Variants in SYT2 observed in about 807,000 individuals in gnomAD.
The protein encoded by SYT2 is synaptotagmin 2.
Under a neutral mutation model 39.9 loss-of-function variants are expected in SYT2, and 15 were observed. That is an observed-to-expected ratio of 0.38 (90% CI 0.25 to 0.58). The LOEUF (loss-of-function observed/expected upper bound fraction) is 0.58. Among genes scored for constraint, SYT2 ranks in the 20% least tolerant of loss-of-function variants. The probability of loss-of-function intolerance (pLI) is 0.70; values close to 1 mark genes in which losing one functional copy is unlikely to be tolerated. For missense variants in SYT2, 389 were observed against 530.3 expected, an observed-to-expected ratio of 0.73 and a Z score of 2.62; for synonymous variants, 181 against 204.5, an observed-to-expected ratio of 0.89 and a Z score of 0.98.
At chr1:202,620,928 G>T (rs1691188119) in intron 1 of SYT2, among the ~76,000 whole-genome samples, 1 of 152,176 alleles carries the variant, frequency 6.6e-6, no homozygotes, top group Non-Finnish European at 1.5e-5. Flanking sequence ...GCTTTGCTCT[G>T]TGTGGGTGAA....
intron 1 of SYT2, among the ~76,000 whole-genome samples, chr1:202,622,967 C>A (rs189718254): frequency 6.6e-6 from 1 of 152,302 alleles, no homozygotes; most frequent in East Asian, 1.9e-4. Flanking sequence ...CAAACAACAC[C>A]GCTAAATGGT....
At chr1:202,607,979 G>A (rs1174654534) in intron 1 of SYT2, among the ~76,000 whole-genome samples, 1 of 152,074 alleles carries the variant, frequency 6.6e-6, no homozygotes, top group Admixed American at 6.5e-5. Flanking sequence ...ACAGAATAGT[G>A]GAACAATTAG....
intron 3 of SYT2, 22 bp from the exon 4 acceptor site, chr1:202,603,140 G>A: frequency 6.2e-7 from 1 of 1,613,788 alleles, no homozygotes; most frequent in Non-Finnish European, 8.5e-7. Flanking sequence ...GGGGGAGAGA[G>A]GGAACAAGTT....
At chr1:202,683,965 G>A (rs1238960785) in intron 1 of SYT2, among the ~76,000 whole-genome samples, 1 of 151,536 alleles carries the variant, frequency 6.6e-6, no homozygotes, top group East Asian at 1.9e-4. Flanking sequence ...TCAACACTTA[G>A]GATTTGTTCA....
At chr1:202,668,496 A>G (rs1692522182) in intron 1 of SYT2, among the ~76,000 whole-genome samples, 1 of 152,232 alleles carries the variant, frequency 6.6e-6, no homozygotes, top group Admixed American at 6.5e-5. Flanking sequence ...TATAAGATCC[A>G]CAGGGTTTAA....
At chr1:202,689,304 C>G (rs868108958) in intron 1 of SYT2, among the ~76,000 whole-genome samples, 1 of 152,192 alleles carries the variant, frequency 6.6e-6, no homozygotes, top group Non-Finnish European at 1.5e-5. Context: ...CGTGTGCACA[C>G]GTGTGCATAC....
At chr1:202,616,467 C>G (rs1691036644) in intron 1 of SYT2, among the ~76,000 whole-genome samples, 1 of 152,106 alleles carries the variant, frequency 6.6e-6, no homozygotes, top group Non-Finnish European at 1.5e-5. Flanking sequence ...CCTTCGTGAC[C>G]ACGCACACAC....
Position 202,601,805 on chromosome 1 carries a change from C to T in SYT2, c.801+85G>A. On this transcript the variant is annotated intron_variant, in intron 6 of 8. Transcript: ENST00000367268. This position sits in a 1 kb window ranked among gnomAD's most constrained non-coding sequence, Gnocchi z 4.0. The stretch of plus-strand genomic sequence containing the variant: ...AACACAGGTCGTCTGCCTCCAAAGC[C>T]CACCCTGTTTCCATCATGCCAAGAG... 10 of 1,458,940 alleles carry T rather than the reference C, an allele frequency of 6.9e-6. No individual in the cohort carries two copies. The highest frequency in any genetic ancestry group is 9.4e-6 in the Non-Finnish European group (10 of 1,066,702). The allele number at this position is 1,458,940 out of a possible 1,614,324, so 90.4% of individuals were successfully genotyped here.
At chr1:202,609,665 T>C (rs1222086540) in intron 1 of SYT2, among the ~76,000 whole-genome samples, 1 of 152,264 alleles carries the variant, frequency 6.6e-6, no homozygotes, top group Admixed American at 6.5e-5. Flanking sequence ...TTTTCATGTG[T>C]CTTTTGGCTG....
intron 1 of SYT2, among the ~76,000 whole-genome samples, chr1:202,651,856 C>T (rs1453841315): frequency 1.3e-5 from 2 of 152,106 alleles, no homozygotes; most frequent in Non-Finnish European, 2.9e-5. Context: ...GTCAAGAGAT[C>T]GAGACCATCC....
chr1:202,669,592 C>CA (rs573028451), intron 1 of SYT2, among the ~76,000 whole-genome samples: 1,831 of 142,502 alleles, frequency 0.013, 27 homozygotes, highest in African/African-American at 0.042. Flanking sequence ...GACTGCATCT[C>CA]AAAAAAAAAA....
At chr1:202,602,335 G>A (rs1690535302) in intron 5 of SYT2, 43 bp downstream of exon 5, 1 of 1,581,570 alleles carries the variant, frequency 6.3e-7, no homozygotes, top group South Asian at 1.1e-5. Flanking sequence ...CAGAGAATTG[G>A]GATCAGGCAG....
chr1:202,602,143 C>T, intron 5 of SYT2, 86 bp from the exon 6 acceptor site: 6 of 1,523,604 alleles, frequency 3.9e-6, no homozygotes, highest in Non-Finnish European at 4.5e-6. Flanking sequence ...CATTCCAGCC[C>T]ACAGGGTCCA....
In SYT2 at chr1:202,600,026, G is replaced by A. The variant is rs907698; in HGVS notation, c.919+331C>T. On this transcript the variant is annotated intron_variant, in intron 7 of 8. Coordinates refer to ENST00000367268, the MANE Select transcript of SYT2 (RefSeq NM_177402.5). The stretch of plus-strand genomic sequence containing the variant: ...TCTTCTGGAAACATGTCTCGATTGT[G>A]GTGTCATGCTTTGGGCTAAGCCCTG... Among the ~76,000 whole-genome samples the A allele has an allele frequency of 0.6, 91,719 of 152,106 alleles. 27,866 individuals carry two copies. The highest frequency in any genetic ancestry group is 0.7 in the Admixed American group (10,738 of 15,292).
intron 1 of SYT2, among the ~76,000 whole-genome samples, chr1:202,671,183 C>A (rs1692582634): frequency 6.6e-6 from 1 of 152,192 alleles, no homozygotes; most frequent in Admixed American, 6.5e-5. Flanking sequence ...TCAGCCTTCC[C>A]CACCTTTGAG....
chr1:202,637,634 C>G (rs1359701867), intron 1 of SYT2, among the ~76,000 whole-genome samples: 1 of 151,608 alleles, frequency 6.6e-6, no homozygotes, highest in African/African-American at 2.4e-5. Context: ...CTGTGAGCAG[C>G]AGCTTTGAGA....
chr1:202,704,279 G>C (rs894981322), intron 1 of SYT2, among the ~76,000 whole-genome samples: 1 of 152,200 alleles, frequency 6.6e-6, no homozygotes, highest in Non-Finnish European at 1.5e-5. Flanking sequence ...GGGCTAGGGG[G>C]ACCCAGGAGA....
intron 8 of SYT2, among the ~76,000 whole-genome samples, chr1:202,597,517 G>A (rs993454498): frequency 3.9e-5 from 6 of 152,188 alleles, no homozygotes; most frequent in Non-Finnish European, 8.8e-5. Flanking sequence ...TTTGGCATCT[G>A]AGAAACATTA....
chr1:202,599,455 C>G lies in SYT2; in HGVS notation c.920-104G>C. The G allele has an allele frequency of 1.5e-6, 2 of 1,328,642 alleles. No individual in the cohort carries two copies. The highest frequency in any genetic ancestry group is 3.2e-5 in the South Asian group (2 of 62,376). 82.3% of individuals were successfully genotyped at this position (1,328,642 alleles called of 1,614,324 possible). Reference sequence around the variant, plus strand: ...AGAGCATCGGTCAAGAGGGGGTCTTCACTCCGCTGAGACCAGGCCCTCAGA... The same window carrying G: ...AGAGCATCGGTCAAGAGGGGGTCTTGACTCCGCTGAGACCAGGCCCTCAGA... On this transcript the variant is annotated intron_variant, in intron 7 of 8. Coordinates refer to ENST00000367268, the MANE Select transcript of SYT2 (RefSeq NM_177402.5). This position sits in a 1 kb window ranked among gnomAD's most constrained non-coding sequence, Gnocchi z 4.4.
Sources: allele counts gnomAD v4.1 joint callset (sites outside exome capture counted in the v4.1 genomes callset), GRCh38; gene constraint gnomAD v4.1.1; non-coding constraint Gnocchi (gnomAD v3.1); transcripts MANE v1.5; gene names NCBI Gene and HGNC (gene_info 2026-07-23, HGNC 2026-07-21).